The following LRBA variants were observed in gnomAD, a reference collection of about 807,000 sequenced individuals.
LRBA encodes the protein lipopolysaccharide-responsive and beige-like anchor protein.
Under a neutral mutation model 330.0 loss-of-function variants are expected in LRBA, and 176 were observed. The ratio of observed to expected loss-of-function variants is 0.53; its 90% CI spans 0.47 to 0.60. The LOEUF (loss-of-function observed/expected upper bound fraction) is 0.60, where lower values mean the gene tolerates loss of function less well. Among genes scored for constraint, LRBA ranks in the 20% least tolerant of loss-of-function variants. LRBA has a pLI of 0.00. For synonymous variants in LRBA, 1,230 were observed against 1,193.0 expected (o/e 1.03, Z -0.64); for missense variants, 3,259 against 3,444.8 (o/e 0.95, Z 1.35).
At chr4:150,413,717 C>T (rs1423959012) in intron 47 of LRBA, among the ~76,000 whole-genome samples, 1 of 152,128 alleles carries the variant, frequency 6.6e-6, no homozygotes, top group African/African-American at 2.4e-5. Flanking sequence ...TAACTGTATA[C>T]ACTTACTAAA....
chr4:150,790,918 C>T (rs1739811995), intron 34 of LRBA, among the ~76,000 whole-genome samples: 1 of 152,166 alleles, frequency 6.6e-6, no homozygotes, highest in Non-Finnish European at 1.5e-5. Flanking sequence ...CTCATTCCAT[C>T]TGCAATCAAA....
chr4:150,596,603 A>T (rs1773510216), intron 38 of LRBA, among the ~76,000 whole-genome samples: 2 of 151,906 alleles, frequency 1.3e-5, no homozygotes, highest in Admixed American at 1.3e-4. Context: ...TATCCATGTT[A>T]AAATCTGTAA....
At chr4:151,002,112 G>A (rs76211772) in intron 2 of LRBA, among the ~76,000 whole-genome samples, 9,571 of 131,158 alleles carry the variant, frequency 0.073, 460 homozygotes, top group East Asian at 0.22. Context: ...CCTCCCCTAT[G>A]AAAGCAAGTT....
intron 47 of LRBA, among the ~76,000 whole-genome samples, chr4:150,408,992 T>G (rs1187969826): frequency 6.6e-6 from 1 of 152,120 alleles, no homozygotes; most frequent in African/African-American, 2.4e-5. Context: ...CCCCAAATTT[T>G]TATGTTAAAG....
At chr4:150,625,567 GAT>G (rs936988490) in intron 37 of LRBA, among the ~76,000 whole-genome samples, 1 of 151,860 alleles carries the variant, frequency 6.6e-6, no homozygotes, top group Admixed American at 6.6e-5. Flanking sequence ...CACAGAAAGA[GAT>G]ATTATAATTT....
rs113720984 is a variant in LRBA at position 150,591,011 on chromosome 4, C to T, written c.6047-152G>A. ...TGGAGAAAGTGATTGGGATGGCACA[C>T]ATGCCTGATCTGACAAACTCGATCC... On this transcript the variant is annotated intron_variant, in intron 38 of 56. Coordinates refer to ENST00000651943, the MANE Select transcript of LRBA (RefSeq NM_001364905.1). The T allele has an allele frequency of 1.9e-3, 1,252 of 653,776 alleles. 2 individuals carry two copies. Among genetic ancestry groups the T allele is most frequent in the Non-Finnish European group, 2.4e-3 (929 of 388,310 alleles). 40.5% of individuals were successfully genotyped at this position (653,776 alleles called of 1,614,324 possible).
intron 2 of LRBA, chr4:150,970,553 G>C: frequency 3.1e-5 from 1 of 31,940 alleles, no homozygotes; most frequent in South Asian, 8.4e-4. Flanking sequence ...GTGTGTGTGT[G>C]TGTACACACA....
At chr4:150,656,314 GTAA>G (rs1233175122) in intron 37 of LRBA, among the ~76,000 whole-genome samples, 1 of 152,212 alleles carries the variant, frequency 6.6e-6, no homozygotes, top group African/African-American at 2.4e-5. Flanking sequence ...TGAACTGAAT[GTAA>G]TACCCTTCTC....
chr4:150,731,552 A>G (rs1437739751), intron 36 of LRBA, among the ~76,000 whole-genome samples: 1 of 152,202 alleles, frequency 6.6e-6, no homozygotes, highest in Non-Finnish European at 1.5e-5. Context: ...CAGAAAGACA[A>G]ACATCGCATG....
chr4:150,614,981 GAACA>G (rs1775627143), intron 37 of LRBA, among the ~76,000 whole-genome samples: 1 of 152,190 alleles, frequency 6.6e-6, no homozygotes, highest in Admixed American at 6.5e-5. Context: ...AGGTAATAGG[GAACA>G]TGTTAACATC....
chr4:150,685,500 C>T (rs1309507550), intron 36 of LRBA, among the ~76,000 whole-genome samples: 5 of 123,488 alleles, frequency 4.0e-5, no homozygotes, highest in Non-Finnish European at 8.0e-5. Context: ...GCGTGATCTT[C>T]TTGGCTCACT....
At chr4:150,679,430 G>A (rs1023107200) in intron 37 of LRBA, among the ~76,000 whole-genome samples, 3 of 152,100 alleles carry the variant, frequency 2.0e-5, no homozygotes, top group African/African-American at 4.8e-5. Context: ...TGTTAGTTTC[G>A]ATTTCACAAG....
intron 22 of LRBA, among the ~76,000 whole-genome samples, chr4:150,858,100 C>T (rs1751439089): frequency 6.6e-6 from 1 of 152,080 alleles, no homozygotes; most frequent in Admixed American, 6.5e-5. Context: ...TGTGTGTATG[C>T]ATTTCTGCTG....
chr4:150,612,100 G>A (rs1775331017), intron 37 of LRBA, among the ~76,000 whole-genome samples: 2 of 151,824 alleles, frequency 1.3e-5, no homozygotes, highest in African/African-American at 4.8e-5. Flanking sequence ...ATGGGGTTTC[G>A]CCCCTTTGCC....
chr4:150,955,930 C>A (rs1341450925), intron 2 of LRBA, among the ~76,000 whole-genome samples: 1 of 148,396 alleles, frequency 6.7e-6, no homozygotes, highest in South Asian at 2.1e-4. Context: ...ATCTTAAACC[C>A]TACAAAAGAA....
chr4:150,752,843 A>AT (rs1733740424), intron 35 of LRBA, among the ~76,000 whole-genome samples: 1 of 152,198 alleles, frequency 6.6e-6, no homozygotes, highest in Admixed American at 6.5e-5. Context: ...TTATCTGATT[A>AT]TTTTAGATAA....
intron 37 of LRBA, among the ~76,000 whole-genome samples, chr4:150,653,273 T>C (rs538962076): frequency 1.3e-5 from 2 of 152,214 alleles, no homozygotes; most frequent in African/African-American, 2.4e-5. Context: ...TATTAGGTTT[T>C]TGACATTAAA....
chr4:150,536,280 T>C (rs1265695957), intron 40 of LRBA, among the ~76,000 whole-genome samples: 1 of 152,206 alleles, frequency 6.6e-6, no homozygotes, highest in Non-Finnish European at 1.5e-5. Flanking sequence ...TAAATATTGA[T>C]TAGGTATGAG....
intron 35 of LRBA, among the ~76,000 whole-genome samples, chr4:150,753,445 C>A (rs1733830416): frequency 6.6e-6 from 1 of 152,136 alleles, no homozygotes; most frequent in Non-Finnish European, 1.5e-5. Flanking sequence ...TTTCACCTAT[C>A]CCTAATACAC....
Sources: allele counts gnomAD v4.1 joint callset (sites outside exome capture counted in the v4.1 genomes callset), GRCh38; gene constraint gnomAD v4.1.1; transcripts MANE v1.5; gene names NCBI Gene and HGNC (gene_info 2026-07-23, HGNC 2026-07-21).